Variants in CTTNBP2 observed in about 807,000 individuals in gnomAD.
CTTNBP2 encodes cortactin binding protein 2, also known as cortactin-binding protein 2.
Under a neutral mutation model 156.9 loss-of-function variants are expected in CTTNBP2, and 108 were observed. The observed-to-expected ratio is 0.69, with a 90% CI of 0.59 to 0.81. The LOEUF (loss-of-function observed/expected upper bound fraction) is 0.81. Among genes scored for constraint, CTTNBP2 ranks in the 30% least tolerant of loss-of-function variants. The pLI, the probability that CTTNBP2 is intolerant of heterozygous loss-of-function variation, is 0.00. For missense variants in CTTNBP2, 1,924 were observed against 2,035.4 expected (o/e 0.95, Z 1.05); for synonymous variants, 767 against 751.8 (o/e 1.02, Z -0.33).
chr7:117,813,996 C>A (rs947302632), intron 2 of CTTNBP2, among the ~76,000 whole-genome samples: 14 of 152,160 alleles, frequency 9.2e-5, no homozygotes, highest in African/African-American at 2.9e-4. Context: ...TCTGCTGAAA[C>A]TGACATTTTA....
chr7:117,843,543 C>G (rs35045777), intron 2 of CTTNBP2, among the ~76,000 whole-genome samples: 6,832 of 152,100 alleles, frequency 0.045, 199 homozygotes, highest in Non-Finnish European at 0.071. Flanking sequence ...GGCAAGGGGG[C>G]CAGTAGGGCT....
intron 2 of CTTNBP2, among the ~76,000 whole-genome samples, chr7:117,814,682 C>T (rs937117769): frequency 1.1e-4 from 17 of 152,198 alleles, no homozygotes; most frequent in Non-Finnish European, 1.5e-5. Context: ...CCTGCCTCAG[C>T]CTCACAAAGT....
At chr7:117,722,009 C>T (rs535355835) in intron 19 of CTTNBP2, among the ~76,000 whole-genome samples, 23 of 152,214 alleles carry the variant, frequency 1.5e-4, no homozygotes, top group Non-Finnish European at 3.2e-4. Context: ...AATATATCCT[C>T]ATTAAAAGCA....
chr7:117,840,055 A>C (rs1802181471), intron 2 of CTTNBP2, among the ~76,000 whole-genome samples: 1 of 152,246 alleles, frequency 6.6e-6, no homozygotes, highest in Non-Finnish European at 1.5e-5. Flanking sequence ...AAATATATAC[A>C]TATACATACA....
intron 12 of CTTNBP2, among the ~76,000 whole-genome samples, chr7:117,751,253 G>C (rs1263857048): frequency 6.6e-6 from 1 of 152,302 alleles, no homozygotes; most frequent in Non-Finnish European, 1.5e-5. Context: ...GCAGAGCGGT[G>C]GCATTTTAAA....
At chr7:117,751,195 A>G (rs1796602242) in intron 12 of CTTNBP2, among the ~76,000 whole-genome samples, 1 of 152,208 alleles carries the variant, frequency 6.6e-6, no homozygotes, top group African/African-American at 2.4e-5. Context: ...GGTTTACCAG[A>G]GGAGCTGTGA....
intron 8 of CTTNBP2, among the ~76,000 whole-genome samples, chr7:117,769,066 C>A (rs998377888): frequency 1.6e-4 from 25 of 152,190 alleles, no homozygotes; most frequent in Non-Finnish European, 7.3e-5. Flanking sequence ...AGCTGGACTG[C>A]TGTGCACAGA....
intron 2 of CTTNBP2, among the ~76,000 whole-genome samples, chr7:117,814,717 C>T (rs1004346867): frequency 7.2e-5 from 11 of 152,292 alleles, no homozygotes; most frequent in East Asian, 1.9e-4. Flanking sequence ...AGTGAGCCTC[C>T]GTGACAGCCT....
chr7:117,858,891 C>G (rs954485390), intron 2 of CTTNBP2, among the ~76,000 whole-genome samples: 1 of 152,114 alleles, frequency 6.6e-6, no homozygotes, highest in Non-Finnish European at 1.5e-5. Flanking sequence ...ATCACCTCAC[C>G]CACCACAAAT....
intron 1 of CTTNBP2, among the ~76,000 whole-genome samples, chr7:117,862,581 A>G (rs780493840): frequency 1.1e-4 from 16 of 152,172 alleles, no homozygotes; most frequent in Non-Finnish European, 2.1e-4. Flanking sequence ...AAAGGCTGAG[A>G]TCCTTCCACC....
At chr7:117,743,254 G>A (rs1796113796) in intron 14 of CTTNBP2, among the ~76,000 whole-genome samples, 1 of 152,182 alleles carries the variant, frequency 6.6e-6, no homozygotes, top group Non-Finnish European at 1.5e-5. Flanking sequence ...TACCCCCATA[G>A]GGTAAGCACA....
At chr7:117,825,172 C>T (rs1243205977) in intron 2 of CTTNBP2, among the ~76,000 whole-genome samples, 1 of 152,150 alleles carries the variant, frequency 6.6e-6, no homozygotes, top group Middle Eastern at 3.2e-3. Context: ...CAATGGCAGG[C>T]CCTTCAAGAC....
At chr7:117,855,391 G>A (rs1244789895) in intron 2 of CTTNBP2, among the ~76,000 whole-genome samples, 1 of 152,198 alleles carries the variant, frequency 6.6e-6, no homozygotes, top group Non-Finnish European at 1.5e-5. Flanking sequence ...GGGATCACAG[G>A]TGTGAGCTGC....
chr7:117,775,597 G>A (rs77527407), intron 8 of CTTNBP2, among the ~76,000 whole-genome samples: 1 of 116,136 alleles, frequency 8.6e-6, no homozygotes, highest in African/African-American at 3.3e-5. Context: ...TTTTTTTTTT[G>A]CCTCTAGGCT....
rs370085561 is a variant in CTTNBP2, at chr7:117,720,917, A to C, written c.4511+150T>G. On this transcript the variant is annotated intron_variant, in intron 20 of 22. Transcript: ENST00000160373. ...AAAGACACCATTAGATTTCAGTTTA[A>C]TATCAGCATTTGAATGACATATATA... The C allele has an allele frequency of 3.1e-4, 204 of 665,374 alleles. No homozygotes were observed. In the African/African-American group the frequency reaches 3.3e-3, roughly 11 times the overall value. 41.2% of individuals were successfully genotyped at this position (665,374 alleles called of 1,614,324 possible).
Position 117,721,201 on chromosome 7 carries a change from AC to A in CTTNBP2, c.4448-72del, listed in dbSNP as rs1465006335. The A allele has an allele frequency of 2.0e-5, 19 of 939,864 alleles. No individual in the cohort carries two copies. In the Admixed American group the frequency reaches 3.0e-4, roughly 15 times the overall value. The allele number at this position is 939,864 out of a possible 1,614,324, so 58.2% of individuals were successfully genotyped here. A position where few individuals can be genotyped will look rare whatever the true frequency, so the allele number is the denominator to read the frequency against. On this transcript the variant is annotated intron_variant, in intron 19 of 22. Transcript: ENST00000160373. The stretch of plus-strand genomic sequence containing the variant: ...CTCTTGAATTCTGTATTTAAAAGAA[AC>A]AGACTGTGGACTTTGCAGTACTTTC...
At chr7:117,730,670 C>CTAA (rs1795350873) in intron 16 of CTTNBP2, among the ~76,000 whole-genome samples, 1 of 152,190 alleles carries the variant, frequency 6.6e-6, no homozygotes, top group Non-Finnish European at 1.5e-5. Context: ...TGGGACTCTA[C>CTAA]TGGTTTTTTT....
intron 16 of CTTNBP2, among the ~76,000 whole-genome samples, chr7:117,731,727 T>C (rs547415717): frequency 2.6e-4 from 40 of 152,314 alleles, no homozygotes; most frequent in African/African-American, 8.2e-4. Context: ...TCTGGATGAC[T>C]GATAACAAAA....
chr7:117,761,634 G>A (rs1797222813), intron 9 of CTTNBP2, among the ~76,000 whole-genome samples: 2 of 152,168 alleles, frequency 1.3e-5, no homozygotes, highest in Non-Finnish European at 2.9e-5. Flanking sequence ...GTATAAATGG[G>A]ACAACTATAT....
Sources: allele counts gnomAD v4.1 joint callset (sites outside exome capture counted in the v4.1 genomes callset), GRCh38; gene constraint gnomAD v4.1.1; transcripts MANE v1.5; gene names NCBI Gene and HGNC (gene_info 2026-07-23, HGNC 2026-07-21).